DENND2A: variants seen among roughly 807,000 people sequenced by gnomAD.
DENND2A encodes DENN domain-containing protein 2A.
Under a neutral mutation model 105.3 loss-of-function variants are expected in DENND2A, and 53 were observed. The observed-to-expected ratio is 0.50, with a 90% CI of 0.40 to 0.63. The LOEUF (loss-of-function observed/expected upper bound fraction) is 0.63. DENND2A is among the 30% of genes least tolerant of loss of function. The pLI is 0.00. For synonymous variants in DENND2A, 522 were observed against 508.4 expected, an observed-to-expected ratio of 1.03 and a Z score of -0.36; for missense variants, 1,138 against 1,279.6, an observed-to-expected ratio of 0.89 and a Z score of 1.69.
chr7:140,559,723 A>T lies in DENND2A; in HGVS notation c.1874T>A (p.Val625Asp). The change falls in exon 10 of 20, where the codon GTC becomes GAC. Residue 625 changes from valine to aspartate, a missense_variant. Val to Asp is a radical substitution (Grantham distance 152). This residue lies in a region of DENND2A where 627 missense variants were observed against 779.8 expected (regional missense o/e 0.80). Coordinates refer to ENST00000496613, the MANE Select transcript of DENND2A (RefSeq NM_015689.5). This position sits in a 1 kb window ranked among gnomAD's most constrained non-coding sequence, Gnocchi z 4.1. ...CFPDAKDWVP[V>D]QQFTSETFSF... ...CAGCTCGTACCTGGTGAACTGCTGGACAGGAACCCAATCCTTGGCATCGGG... is the reference window on the plus strand; with the variant it reads ...CAGCTCGTACCTGGTGAACTGCTGGTCAGGAACCCAATCCTTGGCATCGGG... 6.2e-7 allele frequency: 1 copy of T among 1,614,012 alleles called. No individual in the cohort carries two copies. Among genetic ancestry groups the T allele is most frequent in the Non-Finnish European group, 8.5e-7 (1 of 1,179,894 alleles).
intron 12 of DENND2A, among the ~76,000 whole-genome samples, chr7:140,553,834 T>A (rs952741521): frequency 6.6e-6 from 1 of 152,170 alleles, no homozygotes; most frequent in Non-Finnish European, 1.5e-5. Context: ...ATTAACAGCA[T>A]CTCAAGGCAG....
chr7:140,585,144 G>A (rs945188145), intron 5 of DENND2A, among the ~76,000 whole-genome samples: 14 of 152,318 alleles, frequency 9.2e-5, no homozygotes, highest in African/African-American at 1.4e-4. Flanking sequence ...GCTGCAGTGC[G>A]CCGTGATTGC....
intron 5 of DENND2A, among the ~76,000 whole-genome samples, chr7:140,579,038 G>A (rs1443022539): frequency 6.6e-6 from 1 of 152,194 alleles, no homozygotes; most frequent in Admixed American, 6.5e-5. Flanking sequence ...GCTCATGCCT[G>A]TAATTCCAGC....
rs1167526603 is a variant in DENND2A at position 140,527,617 on chromosome 7, C to T, written c.2328-122G>A. The T allele has an allele frequency of 1.9e-5, 20 of 1,048,144 alleles. No individual in the cohort carries two copies. Among genetic ancestry groups the T allele is most frequent in the South Asian group, 1.2e-4 (7 of 60,646 alleles). 64.9% of individuals were successfully genotyped at this position (1,048,144 alleles called of 1,614,324 possible). A position where few individuals can be genotyped will look rare whatever the true frequency, so the allele number is the denominator to read the frequency against. On this transcript the variant is annotated intron_variant, in intron 14 of 19. Coordinates refer to ENST00000496613, the MANE Select transcript of DENND2A (RefSeq NM_015689.5). The surrounding 1 kb of genome is among the most constrained non-coding windows in gnomAD (Gnocchi z 4.9). ...GAAAGGACACACGTGGATGTGGATC[C>T]GGTGGAGCACATGATGGTCTCAGCA... is the stretch of plus-strand genomic sequence containing the variant.
At chr7:140,576,573 A>T (rs1190779432) in intron 5 of DENND2A, among the ~76,000 whole-genome samples, 1 of 152,236 alleles carries the variant, frequency 6.6e-6, no homozygotes, top group East Asian at 1.9e-4. Context: ...ATTTTGCTCC[A>T]TTGATTTCTC....
intron 1 of DENND2A, among the ~76,000 whole-genome samples, chr7:140,628,689 G>A (rs561703661): frequency 6.6e-6 from 1 of 151,866 alleles, no homozygotes; most frequent in Admixed American, 6.6e-5. Flanking sequence ...ACAGGCATGC[G>A]CCACCACGCC....
At chr7:140,542,172 C>T (rs545485221) in intron 14 of DENND2A, among the ~76,000 whole-genome samples, 4 of 152,154 alleles carry the variant, frequency 2.6e-5, no homozygotes, top group African/African-American at 4.8e-5. Flanking sequence ...ACACCCCTCA[C>T]GCTTCTGTGC....
chr7:140,635,925 C>G (rs1337587729), intron 1 of DENND2A, among the ~76,000 whole-genome samples: 1 of 152,162 alleles, frequency 6.6e-6, no homozygotes, highest in African/African-American at 2.4e-5. Flanking sequence ...CTCTGGCTTC[C>G]CAGCATGTCG....
intron 5 of DENND2A, 88 bp downstream of exon 5, chr7:140,585,501 G>T: frequency 6.4e-7 from 1 of 1,572,566 alleles, no homozygotes; most frequent in Non-Finnish European, 8.7e-7. Context: ...AGGTGGCCTG[G>T]AATTCCAGTG....
rs1302963027 is a variant in DENND2A, at chr7:140,523,656, C to T, written c.2548-232G>A. Among the ~76,000 whole-genome samples the T allele has an allele frequency of 1.3e-5, 2 of 152,142 alleles. No homozygotes were observed. Among genetic ancestry groups the T allele is most frequent in the African/African-American group, 4.8e-5 (2 of 41,428 alleles). On this transcript the variant is annotated intron_variant, in intron 16 of 19. Transcript: ENST00000496613. The surrounding 1 kb of genome is among the most constrained non-coding windows in gnomAD (Gnocchi z 4.5). ...GCAATGCCATGATCTTGGCTCACTG[C>T]AACCTCTGCCTCCCGGATTCAAGCA...
At chr7:140,545,540 AG>A (rs1796860016) in intron 13 of DENND2A, among the ~76,000 whole-genome samples, 1 of 152,046 alleles carries the variant, frequency 6.6e-6, no homozygotes, top group African/African-American at 2.4e-5. Context: ...TAGTAGAGAC[AG>A]GGTTCCACCA....
chr7:140,600,963 C>T (rs1382199521), intron 3 of DENND2A, among the ~76,000 whole-genome samples: 1 of 152,116 alleles, frequency 6.6e-6, no homozygotes, highest in Non-Finnish European at 1.5e-5. Flanking sequence ...ACTGAGGCTT[C>T]GAGAGGTTAG....
chr7:140,631,630 C>A (rs1407357854), intron 1 of DENND2A, among the ~76,000 whole-genome samples: 1 of 152,096 alleles, frequency 6.6e-6, no homozygotes, highest in African/African-American at 2.4e-5. Flanking sequence ...CTTCTGATAT[C>A]CTGGAAGGTT....
intron 18 of DENND2A, among the ~76,000 whole-genome samples, chr7:140,521,292 G>A (rs1373651326): frequency 7.0e-6 from 1 of 143,224 alleles, no homozygotes; most frequent in Non-Finnish European, 1.5e-5. Flanking sequence ...TTTTTTTTTT[G>A]TGACGGAGTC....
chr7:140,553,651 G>C (rs1468151761), intron 12 of DENND2A, among the ~76,000 whole-genome samples: 2 of 152,164 alleles, frequency 1.3e-5, no homozygotes, highest in African/African-American at 2.4e-5. Context: ...GCGGCCTTCC[G>C]CAGTGTTTGT....
At chr7:140,562,877 G>C (rs550154046) in intron 9 of DENND2A, among the ~76,000 whole-genome samples, 3 of 152,252 alleles carry the variant, frequency 2.0e-5, no homozygotes, top group Admixed American at 2.0e-4. Flanking sequence ...CTATATAACA[G>C]TTCTCTCTTC....
At chr7:140,553,234 A>G (rs541749775) in intron 12 of DENND2A, among the ~76,000 whole-genome samples, 2 of 152,134 alleles carry the variant, frequency 1.3e-5, no homozygotes, top group African/African-American at 2.4e-5. Flanking sequence ...GGGTCAGCAG[A>G]CAAACACGTG....
intron 1 of DENND2A, among the ~76,000 whole-genome samples, chr7:140,610,127 G>A (rs1799840505): frequency 8.2e-6 from 1 of 121,384 alleles, no homozygotes; most frequent in Non-Finnish European, 1.6e-5. Flanking sequence ...CACCACATGT[G>A]GCTAATTAAA....
chr7:140,607,241 G>C (rs775777299), intron 1 of DENND2A, among the ~76,000 whole-genome samples: 19 of 152,202 alleles, frequency 1.2e-4, no homozygotes, highest in Non-Finnish European at 2.5e-4. Flanking sequence ...TCCCTCCCGA[G>C]TAATCAAAGG....
Sources: gnomAD v4.1 joint callset for allele counts (sites outside exome capture counted in the v4.1 genomes callset) on GRCh38, gnomAD v4.1.1 for gene constraint, gnomAD v4.1.1 regional missense constraint, Gnocchi (gnomAD v3.1) non-coding constraint, MANE v1.5 for transcripts, NCBI Gene and HGNC (gene_info 2026-07-23, HGNC 2026-07-21) for gene names.